Variants in BCAT1 observed in about 807,000 individuals in gnomAD.
BCAT1 encodes branched chain amino acid transaminase 1.
A neutral mutation model predicts 52.4 loss-of-function variants in BCAT1; 48 were observed. The ratio of observed to expected loss-of-function variants is 0.92; its 90% CI spans 0.73 to 1.16. The LOEUF is 1.16. Ranked by LOEUF, BCAT1 falls within the 50% of genes most tolerant of loss-of-function variation. The pLI is 0.00. For missense variants in BCAT1, 451 were observed against 457.1 expected (o/e 0.99, Z 0.12); for synonymous variants, 167 against 161.3 (o/e 1.04, Z -0.27).
At chr12:24,901,580 T>C (rs568867555) in intron 2 of BCAT1, among the ~76,000 whole-genome samples, 1 of 149,008 alleles carries the variant, frequency 6.7e-6, no homozygotes, top group South Asian at 2.1e-4. Flanking sequence ...TCAAGAAAAA[T>C]ATATGACTCA....
intron 9 of BCAT1, among the ~76,000 whole-genome samples, chr12:24,832,467 G>A (rs1182161838): frequency 6.6e-6 from 1 of 152,186 alleles, no homozygotes; most frequent in Non-Finnish European, 1.5e-5. Flanking sequence ...CAACTCAGGA[G>A]GCTGAAGCAG....
chr12:24,825,894 T>C (rs1338155668), intron 10 of BCAT1, among the ~76,000 whole-genome samples: 1 of 152,182 alleles, frequency 6.6e-6, no homozygotes. Context: ...TTTGATAGCC[T>C]ATGCTTTTTC....
intron 5 of BCAT1, among the ~76,000 whole-genome samples, chr12:24,855,411 C>T (rs554806315): frequency 2.0e-5 from 3 of 152,204 alleles, no homozygotes; most frequent in East Asian, 3.9e-4. Flanking sequence ...TCTCAAGTCT[C>T]GCTCTCTTGC....
chr12:24,901,967 A>T (rs1004767579), intron 1 of BCAT1, 82 bp from the exon 2 acceptor site: 1 of 1,611,018 alleles, frequency 6.2e-7, no homozygotes. Flanking sequence ...GCTCACCATG[A>T]TACCGTGCGC....
Position 24,810,570 on chromosome 12 carries a change from G to A in BCAT1, c.*7438C>T, listed in dbSNP as rs1162324265. 2.0e-5 allele frequency: 3 copies of A among 152,144 alleles called. No individual in the cohort carries two copies. The highest frequency in any genetic ancestry group is 2.1e-4 in the South Asian group (1 of 4,824). The allele number at this position is 152,144 out of a possible 1,614,324, so 9.4% of individuals were successfully genotyped here. ...AGGTCTCTCTTTCTCACGCTTGTGG[G>A]AATTGAGCGTTGACACTGTAAGAAC... On this transcript the variant is annotated 3_prime_UTR_variant, in exon 11 of 11. Coordinates refer to ENST00000261192, the MANE Select transcript of BCAT1 (RefSeq NM_005504.7).
chr12:24,813,862 T>C lies in BCAT1; in HGVS notation c.*4146A>G, dbSNP rs1939778802. On this transcript the variant is annotated 3_prime_UTR_variant, in exon 11 of 11. Transcript: ENST00000261192. ...TCTAACTATGCTTTTATAGCTACAA[T>C]CAGTTCAAGTAGTAGAATACAAACT... 6.6e-6 allele frequency: 1 copy of C among 152,100 alleles called. No homozygotes were observed. The highest frequency in any genetic ancestry group is 2.4e-5 in the African/African-American group (1 of 41,454). 9.4% of individuals were successfully genotyped at this position (152,100 alleles called of 1,614,324 possible).
At chr12:24,930,362 C>A (rs1047308583) in intron 1 of BCAT1, among the ~76,000 whole-genome samples, 1 of 152,222 alleles carries the variant, frequency 6.6e-6, no homozygotes, top group Non-Finnish European at 1.5e-5. Flanking sequence ...GTTTCTATGA[C>A]ACCTTTCCTC....
intron 1 of BCAT1, among the ~76,000 whole-genome samples, chr12:24,931,521 C>G (rs12366540): frequency 0.39 from 58,895 of 151,842 alleles, 12,060 homozygotes; most frequent in Middle Eastern, 0.64. Flanking sequence ...AAAAAGAGAC[C>G]CTGAATACCT....
intron 6 of BCAT1, among the ~76,000 whole-genome samples, chr12:24,843,542 G>T (rs1372816355): frequency 6.6e-6 from 1 of 152,114 alleles, no homozygotes; most frequent in African/African-American, 2.4e-5. Flanking sequence ...GGCAAAAGTT[G>T]CAGTGAGCCA....
chr12:24,896,297 T>C (rs1942959096), intron 2 of BCAT1, among the ~76,000 whole-genome samples: 1 of 152,156 alleles, frequency 6.6e-6, no homozygotes, highest in African/African-American at 2.4e-5. Context: ...CTGGACTAGG[T>C]AGGGGGTCAG....
chr12:24,835,747 T>C (rs1459413773), intron 8 of BCAT1, among the ~76,000 whole-genome samples: 1 of 151,878 alleles, frequency 6.6e-6, no homozygotes, highest in Non-Finnish European at 1.5e-5. Flanking sequence ...TACCACCATG[T>C]TCAGCTAATG....
At chr12:24,889,187 A>G (rs959617284) in intron 3 of BCAT1, among the ~76,000 whole-genome samples, 11 of 152,140 alleles carry the variant, frequency 7.2e-5, no homozygotes, top group African/African-American at 2.7e-4. Context: ...TCTTCTGCCT[A>G]TTAAACCTCC....
intron 1 of BCAT1, 56 bp downstream of exon 1, chr12:24,948,871 C>T (rs1943976748): frequency 5.1e-6 from 8 of 1,564,972 alleles, no homozygotes; most frequent in Admixed American, 1.9e-5. Flanking sequence ...GAGAAATCGC[C>T]GGTTCGATTC....
rs534901320 is a variant in BCAT1 at position 24,859,396 on chromosome 12, G to A, written c.511-9447C>T. Among the ~76,000 whole-genome samples the A allele has an allele frequency of 2.6e-4, 40 of 152,236 alleles. No individual in the cohort carries two copies. In the South Asian group the frequency reaches 7.9e-3, roughly 30 times the overall value. ...AGCACTTTGGGAGGCTGAGGCGGGTGGATCACGAGGTCAGAAGATGGAGAC... is the reference window on the plus strand; with the variant it reads ...AGCACTTTGGGAGGCTGAGGCGGGTAGATCACGAGGTCAGAAGATGGAGAC... On this transcript the variant is annotated intron_variant, in intron 5 of 10. Transcript: ENST00000261192.
chr12:24,912,967 G>T (rs908728492), intron 1 of BCAT1, among the ~76,000 whole-genome samples: 25 of 152,238 alleles, frequency 1.6e-4, no homozygotes, highest in African/African-American at 6.0e-4. Context: ...ACAGAACGAA[G>T]ACCCAAAGAT....
At chr12:24,898,654 T>G (rs1943018655) in intron 2 of BCAT1, among the ~76,000 whole-genome samples, 1 of 150,964 alleles carries the variant, frequency 6.6e-6, no homozygotes, top group Non-Finnish European at 1.5e-5. Context: ...TAGCTGGGAT[T>G]ACAGGCATGT....
At chr12:24,871,392 C>A (rs1942181066) in intron 5 of BCAT1, among the ~76,000 whole-genome samples, 1 of 152,128 alleles carries the variant, frequency 6.6e-6, no homozygotes, top group Non-Finnish European at 1.5e-5. Context: ...AAATGATGGA[C>A]TTGATGTACA....
rs750403467 is a variant in BCAT1, at chr12:24,818,046, C to T, written c.1123G>A (p.Gly375Arg). ...ATTGTCCAGTCGCTCTCTTCTCTTC[C>T]ATACTGCAACAAAAGCAAGAAAACG... ...ILSKLTDIQY[G>R]REESDWTIVL... The change falls in exon 11 of 11, where the codon GGA (glycine) becomes AGA (arginine). Residue 375 changes from glycine (G) to arginine (R), a missense_variant. Physicochemically the swap from Gly to Arg is moderately radical, Grantham distance 125. Coordinates refer to ENST00000261192, the MANE Select transcript of BCAT1 (RefSeq NM_005504.7). 3 of 1,612,916 alleles carry T rather than the reference C, an allele frequency of 1.9e-6. No individual in the cohort carries two copies. The highest frequency in any genetic ancestry group is 2.7e-5 in the African/African-American group (2 of 74,862).
At chr12:24,861,531 A>G (rs1027174955) in intron 5 of BCAT1, among the ~76,000 whole-genome samples, 4 of 152,330 alleles carry the variant, frequency 2.6e-5, no homozygotes, top group African/African-American at 9.6e-5. Flanking sequence ...CACCATACTG[A>G]TGCTTTCTCA....
Sources: gnomAD v4.1 joint callset for allele counts (sites outside exome capture counted in the v4.1 genomes callset) on GRCh38, gnomAD v4.1.1 for gene constraint, MANE v1.5 for transcripts, NCBI Gene and HGNC (gene_info 2026-07-23, HGNC 2026-07-21) for gene names.